GLB1L2: variants seen among roughly 807,000 people sequenced by gnomAD.
The protein encoded by GLB1L2 is beta-galactosidase-1-like protein 2.
In GLB1L2, 68 loss-of-function variants were observed where a neutral mutation model predicts 84.1. The observed-to-expected ratio is 0.81, with a 90% confidence interval of 0.67 to 0.99. The LOEUF is 0.99. Among genes scored for constraint, GLB1L2 ranks in the 50% least tolerant of loss-of-function variants. The pLI, the probability that GLB1L2 is intolerant of heterozygous loss-of-function variation, is 0.00. For synonymous variants in GLB1L2, 290 were observed against 318.0 expected, an observed-to-expected ratio of 0.91 and a Z score of 0.94; for missense variants, 762 against 805.6, an observed-to-expected ratio of 0.95 and a Z score of 0.66.
chr11:134,332,022 T>C lies in GLB1L2; in HGVS notation c.-40T>C. ...CTCCCGCGCGCGGCTGAGTGCGGAC[T>C]GGAGTGGGAACCCGGGTCCCCGCGC... On this transcript the variant is annotated 5_prime_UTR_variant, in exon 1 of 19. Transcript: ENST00000535456. 1 of 1,429,666 alleles carries C rather than the reference T, an allele frequency of 7.0e-7. No individual in the cohort carries two copies. Among genetic ancestry groups the C allele is most frequent in the Non-Finnish European group, 9.5e-7 (1 of 1,048,880 alleles). The allele number at this position is 1,429,666 out of a possible 1,614,324, so 88.6% of individuals were successfully genotyped here.
At chr11:134,364,424 G>T in intron 8 of GLB1L2, 26 bp downstream of exon 8, 1 of 1,578,006 alleles carries the variant, frequency 6.3e-7, no homozygotes, top group Non-Finnish European at 8.7e-7. Flanking sequence ...GGGAAGCTGC[G>T]GCCCGCCCTG....
chr11:134,360,750 C>A (rs576739371), intron 7 of GLB1L2: 1 of 152,002 alleles, frequency 6.6e-6, no homozygotes, highest in African/African-American at 2.4e-5. Context: ...GCCTACTCTT[C>A]GTTACATTCT....
intron 6 of GLB1L2, among the ~76,000 whole-genome samples, chr11:134,358,355 A>G (rs1225947069): frequency 6.6e-6 from 1 of 152,250 alleles, no homozygotes; most frequent in Non-Finnish European, 1.5e-5. Context: ...GAAGACAGCA[A>G]CTGCAAGGCT....
At chr11:134,368,456 G>A (rs551294289) in intron 9 of GLB1L2, among the ~76,000 whole-genome samples, 188 bp from the exon 10 acceptor site, 1 of 152,288 alleles carries the variant, frequency 6.6e-6, no homozygotes, top group South Asian at 2.1e-4. Flanking sequence ...CCATGATTCT[G>A]GCCCACACTT....
rs1943937690 is a variant in GLB1L2 at position 134,370,518 on chromosome 11, T to C, written c.1215+119T>C. On this transcript the variant is annotated intron_variant, in intron 12 of 18. Transcript: ENST00000535456. The surrounding 1 kb of genome is among the most constrained non-coding windows in gnomAD (Gnocchi z 4.7). ...TGAGAGTCGTCGGGGCAGCAGGGCC[T>C]GGAGCCCCTCCAGACAGGGAGTGTG... 2.2e-5 allele frequency: 16 copies of C among 743,860 alleles called. No homozygotes were observed. The South Asian group carries it at 2.5e-4, about 12-fold the overall frequency. The allele number at this position is 743,860 out of a possible 1,614,324, so 46.1% of individuals were successfully genotyped here.
chr11:134,367,870 C>T (rs906687270), intron 9 of GLB1L2, among the ~76,000 whole-genome samples: 3 of 152,226 alleles, frequency 2.0e-5, no homozygotes, highest in Admixed American at 6.5e-5. Flanking sequence ...CACAGTCTCC[C>T]GGGTTGTTTC....
At position 134,370,440 on chromosome 11, in the gene GLB1L2, G is replaced by A. The variant is rs553745807; in HGVS notation, c.1215+41G>A. 4 of 1,482,610 alleles carry A rather than the reference G, an allele frequency of 2.7e-6. No individual in the cohort carries two copies. Among genetic ancestry groups the A allele is most frequent in the African/African-American group, 1.4e-5 (1 of 72,450 alleles). 91.8% of individuals were successfully genotyped at this position (1,482,610 alleles called of 1,614,324 possible). On this transcript the variant is annotated intron_variant, in intron 12 of 18. Transcript: ENST00000535456. This position sits in a 1 kb window ranked among gnomAD's most constrained non-coding sequence, Gnocchi z 4.7. ...AGTCATCGGGAGGTGAGTGAGTGCC[G>A]GGGGCAGTCGTTGGCAGGGAGGTGA...
Position 134,344,384 on chromosome 11 carries a change from C to T in GLB1L2, c.285-3C>T. The T allele has an allele frequency of 6.5e-7, 1 of 1,545,394 alleles. No individual in the cohort carries two copies. The highest frequency in any genetic ancestry group is 1.2e-5 in the South Asian group (1 of 86,630). On this transcript the variant is annotated splice_region_variant and splice_polypyrimidine_tract_variant and intron_variant, in intron 2 of 18. Transcript: ENST00000535456. ...TAGCCTATAATTATCATTTCTGTTG[C>T]AGCTATGTTCCGTGGAACCTGCATG... is the stretch of plus-strand genomic sequence containing the variant.
At chr11:134,335,854 A>G (rs1297065868) in intron 1 of GLB1L2, among the ~76,000 whole-genome samples, 1 of 152,208 alleles carries the variant, frequency 6.6e-6, no homozygotes, top group East Asian at 1.9e-4. Context: ...GTTTGAGAAC[A>G]TTTGGACCTG....
chr11:134,371,134 C>A lies in GLB1L2; in HGVS notation c.1342C>A (p.His448Asn). The change falls in exon 13 of 19, where the codon CAT (histidine) becomes AAT (asparagine). Residue 448 changes from histidine (H) to asparagine (N), a missense_variant. His to Asn is a moderately conservative substitution (Grantham distance 68). Transcript: ENST00000535456. ...TSSGILSGHV[H>N]DRGQVFVNTV... ...GTCTGGCATCCTCAGTGGCCACGTG[C>A]ATGATCGGGGGCAGGTAGGAGCTTC... 6.2e-7 allele frequency: 1 copy of A among 1,614,212 alleles called. No homozygotes were observed. The highest frequency in any genetic ancestry group is 8.5e-7 in the Non-Finnish European group (1 of 1,180,030).
intron 1 of GLB1L2, 45 bp from the exon 2 acceptor site, chr11:134,342,709 T>C (rs572324825): frequency 1.8e-5 from 29 of 1,576,726 alleles, no homozygotes; most frequent in Admixed American, 3.5e-5. Context: ...CCGATCTCTC[T>C]GCGGCCCGGA....
intron 5 of GLB1L2, among the ~76,000 whole-genome samples, chr11:134,350,598 C>T (rs1943613572): frequency 2.6e-5 from 4 of 152,190 alleles, no homozygotes; most frequent in Admixed American, 2.0e-4. Context: ...TGACGGGTCA[C>T]TTGAGTTTCG....
intron 5 of GLB1L2, among the ~76,000 whole-genome samples, chr11:134,350,319 C>T (rs1238235713): frequency 6.6e-6 from 1 of 152,202 alleles, no homozygotes; most frequent in Non-Finnish European, 1.5e-5. Context: ...GGCAGTTCCT[C>T]TCTGGCTAGG....
Position 134,374,264 on chromosome 11 carries a change from A to C in GLB1L2, c.1707+8A>C. The C allele has an allele frequency of 6.3e-7, 1 of 1,589,338 alleles. No homozygotes were observed. Among genetic ancestry groups the C allele is most frequent in the Non-Finnish European group, 8.6e-7 (1 of 1,157,500 alleles). On this transcript the variant is annotated splice_region_variant and intron_variant, in intron 17 of 18. Transcript: ENST00000535456. ...ACCTTTCTGAAGCTGGAGGTTGGTA[A>C]CGCCCTTTTCCCTGCCAGTTTCTCC...
At chr11:134,358,145 A>G (rs1293571025) in intron 6 of GLB1L2, among the ~76,000 whole-genome samples, 2 of 152,204 alleles carry the variant, frequency 1.3e-5, no homozygotes, top group African/African-American at 2.4e-5. Flanking sequence ...TCCACTTCCA[A>G]AAGATTTCAG....
intron 7 of GLB1L2, 89 bp from the exon 8 acceptor site, chr11:134,364,239 T>C (rs1258139038): frequency 1.0e-6 from 1 of 969,998 alleles, no homozygotes; most frequent in Non-Finnish European, 1.6e-6. Context: ...TTTATTGTGC[T>C]GGTGGATTGA....
chr11:134,336,100 G>A (rs1456772543), intron 1 of GLB1L2, among the ~76,000 whole-genome samples: 1 of 152,202 alleles, frequency 6.6e-6, no homozygotes, highest in Non-Finnish European at 1.5e-5. Flanking sequence ...TCCTGCTAAC[G>A]AGGTAGATAT....
chr11:134,359,178 C>A, intron 7 of GLB1L2, 37 bp downstream of exon 7: 1 of 1,476,456 alleles, frequency 6.8e-7, no homozygotes, highest in Non-Finnish European at 9.2e-7. Context: ...GGGCTGGCGG[C>A]GGCCCTGGGC....
rs1943957558 is a variant in GLB1L2 at position 134,371,837 on chromosome 11, C to T, written c.1507+7C>T. On this transcript the variant is annotated splice_region_variant and intron_variant, in intron 15 of 18. Transcript: ENST00000535456. ...ATTGATGACCAGCGCAAAGGTGGGTCCCAGAATGTGTCAAAAGAAGAGTGG... is the reference window on the plus strand; with the variant it reads ...ATTGATGACCAGCGCAAAGGTGGGTTCCAGAATGTGTCAAAAGAAGAGTGG... 1 of 1,613,314 alleles carries T rather than the reference C, an allele frequency of 6.2e-7. No individual in the cohort carries two copies. The highest frequency in any genetic ancestry group is 8.5e-7 in the Non-Finnish European group (1 of 1,179,324).
Sources: gnomAD v4.1 joint callset for allele counts (sites outside exome capture counted in the v4.1 genomes callset) on GRCh38, gnomAD v4.1.1 for gene constraint, Gnocchi (gnomAD v3.1) non-coding constraint, MANE v1.5 for transcripts, NCBI Gene and HGNC (gene_info 2026-07-23, HGNC 2026-07-21) for gene names.